Variants in MAD1L1 observed in about 807,000 individuals in gnomAD.
MAD1L1 encodes the protein mitotic spindle assembly checkpoint protein MAD1.
A neutral mutation model predicts 96.9 loss-of-function variants in MAD1L1; 95 were observed. The observed-to-expected ratio is 0.98, with a 90% CI of 0.83 to 1.16. The LOEUF (loss-of-function observed/expected upper bound fraction) is 1.16, where lower values mean the gene tolerates loss of function less well. Among genes scored for constraint, MAD1L1 ranks in the 50% most tolerant of loss-of-function variants. The pLI, the probability that MAD1L1 is intolerant of heterozygous loss-of-function variation, is 0.00. For synonymous variants in MAD1L1, 473 were observed against 396.6 expected, an observed-to-expected ratio of 1.19 and a Z score of -2.29; for missense variants, 1,007 against 954.4, an observed-to-expected ratio of 1.06 and a Z score of -0.73.
At chr7:2,008,820 C>T (rs1424887823) in intron 13 of MAD1L1, among the ~76,000 whole-genome samples, 4 of 112,408 alleles carry the variant, frequency 3.6e-5, no homozygotes, top group Admixed American at 8.7e-5. Context: ...GACGCAGACA[C>T]GCAGGAAGCT....
chr7:2,054,526 A>C (rs1562642836), intron 12 of MAD1L1, among the ~76,000 whole-genome samples: 1 of 152,178 alleles, frequency 6.6e-6, no homozygotes, highest in Non-Finnish European at 1.5e-5. Context: ...TGGCTTTCTA[A>C]TAACTGTGCA....
rs560629692 is a variant in MAD1L1 at position 2,170,037 on chromosome 7, C to T, written c.987-20799G>A. On this transcript the variant is annotated intron_variant, in intron 10 of 18. Transcript: ENST00000265854. ...GATGAATGCATCCGAAGGGGCCCTG[C>T]CTCCCGGACTCGTGCCCTCAGGTCG... is the stretch of plus-strand genomic sequence containing the variant. Among the ~76,000 whole-genome samples the T allele has an allele frequency of 2.6e-5, 4 of 152,352 alleles. No individual in the cohort carries two copies. In the South Asian group the frequency reaches 8.3e-4, roughly 32 times the overall value.
At chr7:2,215,561 G>A (rs1215735954) in intron 9 of MAD1L1, among the ~76,000 whole-genome samples, 1 of 151,988 alleles carries the variant, frequency 6.6e-6, no homozygotes, top group Non-Finnish European at 1.5e-5. Flanking sequence ...TCCTTGGCTT[G>A]TGGCCCGTCC....
At chr7:1,827,805 G>C (rs1782506028) in intron 18 of MAD1L1, among the ~76,000 whole-genome samples, 1 of 151,966 alleles carries the variant, frequency 6.6e-6, no homozygotes, top group African/African-American at 2.4e-5. Flanking sequence ...TCCCGGGTGT[G>C]GGGTCCTCCC....
At chr7:1,973,235 G>A (rs1330587232) in intron 15 of MAD1L1, among the ~76,000 whole-genome samples, 2 of 151,806 alleles carry the variant, frequency 1.3e-5, no homozygotes, top group African/African-American at 2.4e-5. Context: ...ATGTAGATCT[G>A]CCCGATTCTC....
chr7:1,977,120 CAG>C (rs1011243087), intron 15 of MAD1L1, among the ~76,000 whole-genome samples: 6 of 152,246 alleles, frequency 3.9e-5, no homozygotes, highest in African/African-American at 1.4e-4. Context: ...CTGCACTCCT[CAG>C]CCCTTGGGTG....
chr7:2,195,239 C>T (rs982965723), intron 10 of MAD1L1, among the ~76,000 whole-genome samples: 2 of 152,202 alleles, frequency 1.3e-5, no homozygotes, highest in Admixed American at 6.5e-5. Flanking sequence ...CTTGTAATAG[C>T]TACCAATGAC....
At chr7:2,090,047 C>A (rs1024379703) in intron 11 of MAD1L1, among the ~76,000 whole-genome samples, 3 of 152,190 alleles carry the variant, frequency 2.0e-5, no homozygotes, top group African/African-American at 7.2e-5. Context: ...TGACAGGAAA[C>A]GGCAGGTTCC....
In MAD1L1 at chr7:2,014,590, G is replaced by T; in HGVS notation, c.1271C>A (p.Pro424Gln). Reference sequence around the variant, plus strand: ...CGTCAGCTGGGGTGAGTACTCGGCCGGGGTCAGCTCGCTGTCGTAGGACCC... The same window carrying T: ...CGTCAGCTGGGGTGAGTACTCGGCCTGGGTCAGCTCGCTGTCGTAGGACCC... ...ILGSYDSELT[P>Q]AEYSPQLTRR... The change falls in exon 13 of 19, where the codon CCG becomes CAG. Residue 424 changes from proline (P) to glutamine (Q), a missense_variant. Pro to Gln is a moderately conservative substitution (Grantham distance 76). Coordinates refer to ENST00000265854, the MANE Select transcript of MAD1L1 (RefSeq NM_001013836.2). 6.2e-7 allele frequency: 1 copy of T among 1,612,298 alleles called. No individual in the cohort carries two copies.
intron 11 of MAD1L1, among the ~76,000 whole-genome samples, chr7:2,112,681 G>A (rs564787723): frequency 6.4e-4 from 98 of 152,342 alleles, no homozygotes; most frequent in Non-Finnish European, 9.3e-4. Context: ...GTGTCAGGGT[G>A]TCCACCGAGG....
intron 11 of MAD1L1, among the ~76,000 whole-genome samples, chr7:2,135,605 C>T (rs1788710414): frequency 6.6e-6 from 1 of 152,216 alleles, no homozygotes; most frequent in Non-Finnish European, 1.5e-5. Flanking sequence ...CAAGTGAGGG[C>T]AATGCTGGTG....
At chr7:1,983,143 C>T (rs1359094398) in intron 14 of MAD1L1, among the ~76,000 whole-genome samples, 6 of 32,650 alleles carry the variant, frequency 1.8e-4, no homozygotes, top group Middle Eastern at 0.013. Context: ...CGCGCGCGCG[C>T]GCGCGCGCGC....
At chr7:2,125,937 T>C (rs916508099) in intron 11 of MAD1L1, among the ~76,000 whole-genome samples, 1 of 152,272 alleles carries the variant, frequency 6.6e-6, no homozygotes, top group Non-Finnish European at 1.5e-5. Context: ...AGTTGGCCCC[T>C]GGGCCTCCTC....
At chr7:2,064,779 CGGCTTCTCCCAGGACGGA>C (rs1170895500) in intron 12 of MAD1L1, among the ~76,000 whole-genome samples, 6 of 151,910 alleles carry the variant, frequency 3.9e-5, no homozygotes, top group South Asian at 2.1e-4. Context: ...AGGAATATGG[CGGCTTCTCCCAGGACGGA>C]GGCTTCTCCC....
At chr7:1,939,001 A>ACACACACACGCACACACACGCG (rs1778790099) in intron 16 of MAD1L1, among the ~76,000 whole-genome samples, 1 of 117,404 alleles carries the variant, frequency 8.5e-6, no homozygotes, top group African/African-American at 3.0e-5. Flanking sequence ...ACACACACGC[A>ACACACACACGCACACACACGCG]CACACACACA....
chr7:1,945,625 G>A (rs1475028942), intron 16 of MAD1L1, among the ~76,000 whole-genome samples: 1 of 152,236 alleles, frequency 6.6e-6, no homozygotes, highest in East Asian at 1.9e-4. Context: ...GCCATCTGCA[G>A]ACGCCATGGG....
chr7:1,980,399 C>G lies in MAD1L1; in HGVS notation c.1505+54G>C, dbSNP rs952414487. 2.7e-6 allele frequency: 4 copies of G among 1,482,904 alleles called. No individual in the cohort carries two copies. In the Admixed American group the frequency reaches 5.8e-5, roughly 21 times the overall value. The allele number at this position is 1,482,904 out of a possible 1,614,324, so 91.9% of individuals were successfully genotyped here. A position where few individuals can be genotyped will look rare whatever the true frequency, so the allele number is the denominator to read the frequency against. ...GCAGGACACACCTGGGCGTATCCGCCTCCTCTCTGGGGGACACACCTGGGC... is the reference window on the plus strand; with the variant it reads ...GCAGGACACACCTGGGCGTATCCGCGTCCTCTCTGGGGGACACACCTGGGC... On this transcript the variant is annotated intron_variant, in intron 15 of 18. Transcript: ENST00000265854.
At chr7:2,127,443 C>T (rs1469358013) in intron 11 of MAD1L1, among the ~76,000 whole-genome samples, 1 of 152,202 alleles carries the variant, frequency 6.6e-6, no homozygotes, top group African/African-American at 2.4e-5. Context: ...AATGGACACA[C>T]AGCCTCTTGG....
At chr7:2,060,288 TCCC>T (rs1381592067) in intron 12 of MAD1L1, among the ~76,000 whole-genome samples, 3 of 94,036 alleles carry the variant, frequency 3.2e-5, no homozygotes, top group Non-Finnish European at 8.0e-5. Context: ...GATACGCCGA[TCCC>T]GAGATACGCC....
Sources: gnomAD v4.1 joint callset for allele counts (sites outside exome capture counted in the v4.1 genomes callset) on GRCh38, gnomAD v4.1.1 for gene constraint, MANE v1.5 for transcripts, NCBI Gene and HGNC (gene_info 2026-07-23, HGNC 2026-07-21) for gene names.